CHST7: variants seen among roughly 807,000 people sequenced by gnomAD.
CHST7 encodes the protein carbohydrate sulfotransferase 7.
Under a neutral mutation model 9.0 loss-of-function variants are expected in CHST7, and 5 were observed. That is an observed-to-expected ratio of 0.56 (90% CI 0.29 to 1.17). The LOEUF is 1.17. Ranked by LOEUF, CHST7 falls within the 50% of genes most tolerant of loss-of-function variation. CHST7 has a pLI of 0.08. For missense variants in CHST7, 377 were observed against 485.1 expected (o/e 0.78, Z 2.09); for synonymous variants, 244 against 237.1 (o/e 1.03, Z -0.27).
At chrX:46,592,865 C>T (rs968613919) in intron 1 of CHST7, among the ~76,000 whole-genome samples, 3 of 106,120 alleles carry the variant, frequency 2.8e-5, no homozygotes, top group African/African-American at 6.9e-5. Flanking sequence ...ATGTATGTAT[C>T]TAGTGTTACA....
In CHST7 at chrX:46,574,537, C is replaced by A; in HGVS notation, c.606C>A (p.Cys202Ter). ...LFRWRTNKVI[C>*]SPPLCPGAPR... ...GCTGGCGGACTAACAAGGTCATCTG[C>A]TCGCCGCCACTGTGTCCTGGCGCAC... Residue 202 changes from cysteine (C) to a stop codon, truncating the protein, a stop_gained, in exon 1 of 2, where the codon TGC becomes TGA. Coordinates refer to ENST00000276055, the MANE Select transcript of CHST7 (RefSeq NM_019886.4). LOFTEE classifies it low-confidence loss of function (END_TRUNC). 8.3e-7 allele frequency: 1 copy of A among 1,206,710 alleles called. No individual in the cohort carries two copies. The highest frequency in any genetic ancestry group is 3.0e-5 in the East Asian group (1 of 33,597).
At chrX:46,587,396 A>G (rs1049464103) in intron 1 of CHST7, among the ~76,000 whole-genome samples, 1 of 110,820 alleles carries the variant, frequency 9.0e-6, no homozygotes, top group Non-Finnish European at 1.9e-5. Flanking sequence ...CTCAGCCTCT[A>G]TTTCTTTTTA....
In CHST7 at chrX:46,575,401, C is replaced by T. The variant is rs983852290; in HGVS notation, c.*9C>T. ...CCGACGGCGCCACGTAGCCTCCCAT[C>T]CCTGTCCCCGGCACGGATCCGGGTA... On this transcript the variant is annotated 3_prime_UTR_variant, in exon 1 of 2. Coordinates refer to ENST00000276055, the MANE Select transcript of CHST7 (RefSeq NM_019886.4). The T allele has an allele frequency of 9.7e-7, 1 of 1,030,486 alleles. No homozygotes were observed. The highest frequency in any genetic ancestry group is 1.2e-6 in the Non-Finnish European group (1 of 810,982). The allele number at this position is 1,030,486 out of a possible 1,213,427, so 84.9% of individuals were successfully genotyped here.
chrX:46,588,320 G>A (rs1381590389), intron 1 of CHST7, among the ~76,000 whole-genome samples: 2 of 111,441 alleles, frequency 1.8e-5, no homozygotes, highest in South Asian at 3.8e-4. Context: ...GAAATGGGGG[G>A]CACAGGAAGG....
intron 1 of CHST7, among the ~76,000 whole-genome samples, chrX:46,591,876 C>A (rs1448863231): frequency 9.1e-6 from 1 of 109,479 alleles, no homozygotes; most frequent in African/African-American, 3.3e-5. Flanking sequence ...TTGCCCCACA[C>A]CCCCTGACAG....
At position 46,575,317 on chromosome X, in the gene CHST7, C is replaced by T; in HGVS notation, c.1386C>T (p.Ser462=). The T allele has an allele frequency of 4.6e-6, 5 of 1,095,848 alleles. No individual in the cohort carries two copies. The highest frequency in any genetic ancestry group is 3.2e-5 in the Admixed American group (1 of 30,976). 90.3% of individuals were successfully genotyped at this position (1,095,848 alleles called of 1,213,427 possible). ...TGCGTCTGCTCGCCTACCCTCGCAGCGGAGAGGAGGGCGACGCGGAGCAGC... is the reference window on the plus strand; with the variant it reads ...TGCGTCTGCTCGCCTACCCTCGCAGTGGAGAGGAGGGCGACGCGGAGCAGC... The part of the protein sequence containing the change: ...PAMRLLAYPR[S]GEEGDAEQPR... Residue 462 remains serine, a synonymous_variant, in exon 1 of 2, where the codon AGC becomes AGT. Transcript: ENST00000276055.
intron 1 of CHST7, among the ~76,000 whole-genome samples, chrX:46,581,626 G>A (rs898831731): frequency 8.2e-5 from 9 of 109,606 alleles, no homozygotes; most frequent in Non-Finnish European, 1.5e-4. Context: ...GCGGAGTTTC[G>A]CTCTTGTTGC....
chrX:46,590,470 G>A (rs1428606169), intron 1 of CHST7, among the ~76,000 whole-genome samples: 1 of 110,810 alleles, frequency 9.0e-6, no homozygotes, highest in East Asian at 2.8e-4. Flanking sequence ...AGGAGGCTGA[G>A]GTGGGAGGAT....
chrX:46,577,738 T>A (rs1309788455), intron 1 of CHST7, among the ~76,000 whole-genome samples: 1 of 111,985 alleles, frequency 8.9e-6, no homozygotes, highest in Non-Finnish European at 1.9e-5. Flanking sequence ...ACCTGGCCCC[T>A]GCCTTGGCAT....
chrX:46,576,479 T>C (rs1340592639), intron 1 of CHST7, among the ~76,000 whole-genome samples: 1 of 111,698 alleles, frequency 9.0e-6, no homozygotes, highest in Admixed American at 9.6e-5. Context: ...TATCTGAAGA[T>C]GCTAAAGTGG....
intron 1 of CHST7, among the ~76,000 whole-genome samples, chrX:46,575,974 C>G (rs1942497586): frequency 9.0e-6 from 1 of 111,507 alleles, no homozygotes; most frequent in Admixed American, 9.5e-5. Context: ...TGTTTCTTCT[C>G]TGTCTGTTTT....
At chrX:46,596,763 C>T (rs761751357) in intron 1 of CHST7, among the ~76,000 whole-genome samples, 2 of 110,408 alleles carry the variant, frequency 1.8e-5, no homozygotes, top group Admixed American at 9.7e-5. Context: ...CTGGCCAACA[C>T]GGTGAAACCC....
At position 46,574,717 on chromosome X, in the gene CHST7, C is replaced by T; in HGVS notation, c.786C>T (p.Pro262=). 1 of 1,209,692 alleles carries T rather than the reference C, an allele frequency of 8.3e-7. No individual in the cohort carries two copies. The highest frequency in any genetic ancestry group is 1.1e-6 in the Non-Finnish European group (1 of 894,439). ...VRLLDLGVLV[P]LLRDPGLNLK... Reference sequence around the variant, plus strand: ...TGCTCGATCTGGGCGTGCTGGTGCCCCTGTTGCGTGATCCAGGCCTCAACC... The same window carrying T: ...TGCTCGATCTGGGCGTGCTGGTGCCTCTGTTGCGTGATCCAGGCCTCAACC... The change falls in exon 1 of 2, where the codon CCC becomes CCT. Residue 262 remains proline (P), a synonymous_variant. Coordinates refer to ENST00000276055, the MANE Select transcript of CHST7 (RefSeq NM_019886.4).
At chrX:46,596,220 A>C (rs1453319263) in intron 1 of CHST7, among the ~76,000 whole-genome samples, 1 of 110,540 alleles carries the variant, frequency 9.0e-6, no homozygotes, top group East Asian at 2.8e-4. Context: ...TATGTAAGTA[A>C]CCTGTTGTGG....
Position 46,575,276 on chromosome X carries a change from G to A in CHST7, c.1345G>A (p.Ala449Thr). The A allele has an allele frequency of 9.0e-7, 1 of 1,108,301 alleles. No homozygotes were observed. The highest frequency in any genetic ancestry group is 2.1e-5 in the South Asian group (1 of 47,082). 91.3% of individuals were successfully genotyped at this position (1,108,301 alleles called of 1,213,427 possible). A position where few individuals can be genotyped will look rare whatever the true frequency, so the allele number is the denominator to read the frequency against. ...SREQVRQVEA[A>T]CAPAMRLLAY... ...AGAGCAGGTGCGCCAGGTGGAGGCC[G>A]CCTGCGCTCCAGCCATGCGTCTGCT... is the stretch of plus-strand genomic sequence containing the variant. Residue 449 changes from alanine to threonine, a missense_variant, in exon 1 of 2, where the codon GCC becomes ACC. By Grantham distance (58) the Ala-to-Thr change is moderately conservative. Transcript: ENST00000276055.
At chrX:46,584,241 G>A (rs1419839264) in intron 1 of CHST7, among the ~76,000 whole-genome samples, 2 of 111,160 alleles carry the variant, frequency 1.8e-5, no homozygotes, top group Non-Finnish European at 3.8e-5. Context: ...TTTCTAGAAT[G>A]TTAAAAGGTG....
intron 1 of CHST7, among the ~76,000 whole-genome samples, chrX:46,586,821 C>T (rs773654519): frequency 1.5e-4 from 16 of 109,699 alleles, no homozygotes; most frequent in African/African-American, 5.0e-4. Context: ...CCACAACCTC[C>T]GCCTCCCAGG....
rs1942490941 is a variant in CHST7 at position 46,575,062 on chromosome X, C to T, written c.1131C>T (p.Asp377=). The T allele has an allele frequency of 2.7e-6, 3 of 1,130,515 alleles. No homozygotes were observed. Among genetic ancestry groups the T allele is most frequent in the Non-Finnish European group, 3.5e-6 (3 of 864,724 alleles). 93.2% of individuals were successfully genotyped at this position (1,130,515 alleles called of 1,213,427 possible). A position where few individuals can be genotyped will look rare whatever the true frequency, so the allele number is the denominator to read the frequency against. ...GCTACCTGAGGCTGCGCTATGAGGACCTGGTGCGGCAGCCACGCGCCCAGC... is the reference window on the plus strand; with the variant it reads ...GCTACCTGAGGCTGCGCTATGAGGATCTGGTGCGGCAGCCACGCGCCCAGC... ...RRRYLRLRYE[D]LVRQPRAQLR... The change falls in exon 1 of 2, where the codon GAC becomes GAT. Residue 377 remains aspartate (D), a synonymous_variant. Transcript: ENST00000276055.
intron 1 of CHST7, among the ~76,000 whole-genome samples, chrX:46,590,068 G>A (rs1804211185): frequency 9.0e-6 from 1 of 111,417 alleles, no homozygotes; most frequent in African/African-American, 3.3e-5. Flanking sequence ...GAGTGCTTAT[G>A]GGTACAGATG....
Sources: allele counts gnomAD v4.1 joint callset (sites outside exome capture counted in the v4.1 genomes callset), GRCh38; gene constraint gnomAD v4.1.1; transcripts MANE v1.5; gene names NCBI Gene and HGNC (gene_info 2026-07-23, HGNC 2026-07-21).